The following PRKG1 variants were observed in gnomAD, a reference collection of about 807,000 sequenced individuals.
PRKG1 encodes the protein protein kinase cGMP-dependent 1.
In PRKG1, 35 loss-of-function variants were observed where a neutral mutation model predicts 88.1. That is an observed-to-expected ratio of 0.40 (90% confidence interval 0.30 to 0.53). The LOEUF is 0.53. PRKG1 is among the 20% of genes least tolerant of loss of function. The probability of loss-of-function intolerance (pLI) is 0.59; values close to 1 mark genes in which losing one functional copy is unlikely to be tolerated. For missense variants in PRKG1, 540 were observed against 839.8 expected (o/e 0.64, Z 4.41); for synonymous variants, 303 against 292.5 (o/e 1.04, Z -0.37).
At chr10:52,154,228 G>C (rs555102300) in intron 8 of PRKG1, among the ~76,000 whole-genome samples, 1 of 152,114 alleles carries the variant, frequency 6.6e-6, no homozygotes. Flanking sequence ...TCTTAAAATA[G>C]CACACATTTA....
At chr10:52,291,982 T>A (rs971703654) in intron 17 of PRKG1, among the ~76,000 whole-genome samples, 1 of 152,230 alleles carries the variant, frequency 6.6e-6, no homozygotes, top group Non-Finnish European at 1.5e-5. Flanking sequence ...GTTGTGTTGA[T>A]TTGCATTTCT....
intron 3 of PRKG1, among the ~76,000 whole-genome samples, chr10:51,510,863 C>T (rs1185977935): frequency 6.6e-6 from 1 of 151,076 alleles, no homozygotes; most frequent in Non-Finnish European, 1.5e-5. Flanking sequence ...CCTGCCTCAG[C>T]CTCCCAAGTA....
chr10:51,897,327 C>T (rs1386947462), intron 4 of PRKG1, among the ~76,000 whole-genome samples: 1 of 152,036 alleles, frequency 6.6e-6, no homozygotes, highest in Non-Finnish European at 1.5e-5. Flanking sequence ...ATGTTGGTGG[C>T]ACTAATTTGA....
At chr10:51,400,384 A>C (rs371863674) in intron 2 of PRKG1, among the ~76,000 whole-genome samples, 2 of 152,212 alleles carry the variant, frequency 1.3e-5, no homozygotes, top group Non-Finnish European at 2.9e-5. Context: ...TAACTTTTAC[A>C]TTGAGACCTA....
chr10:51,918,572 T>G lies in PRKG1; in HGVS notation c.762+11002T>G, dbSNP rs995427179. Among the ~76,000 whole-genome samples the G allele has an allele frequency of 2.0e-5, 3 of 152,182 alleles. No individual in the cohort carries two copies. In the East Asian group the frequency reaches 5.8e-4, roughly 29 times the overall value. The stretch of plus-strand genomic sequence containing the variant: ...AAATCAGCTTTCTAGAAAACATTCA[T>G]GGAAAGTGTTCGAAATGGTTGCTCT... On this transcript the variant is annotated intron_variant, in intron 5 of 17. Coordinates refer to ENST00000373980, the MANE Select transcript of PRKG1 (RefSeq NM_006258.4).
At chr10:51,856,981 A>AG (rs1388219394) in intron 4 of PRKG1, among the ~76,000 whole-genome samples, 1 of 151,714 alleles carries the variant, frequency 6.6e-6, no homozygotes, top group African/African-American at 2.4e-5. Context: ...AAAAGAAAAA[A>AG]AAAAAAAGAA....
chr10:51,047,016 A>G (rs921389328), intron 1 of PRKG1, among the ~76,000 whole-genome samples: 7 of 152,328 alleles, frequency 4.6e-5, no homozygotes, highest in East Asian at 1.9e-4. Context: ...TGGAATAACA[A>G]CGTAATATTC....
At chr10:51,704,603 A>C (rs1841560054) in intron 3 of PRKG1, among the ~76,000 whole-genome samples, 1 of 152,218 alleles carries the variant, frequency 6.6e-6, no homozygotes, top group African/African-American at 2.4e-5. Flanking sequence ...TTTCTGATGG[A>C]AATGAGATTT....
intron 3 of PRKG1, among the ~76,000 whole-genome samples, chr10:51,802,814 T>G (rs1839208944): frequency 6.6e-6 from 1 of 152,176 alleles, no homozygotes; most frequent in South Asian, 2.1e-4. Flanking sequence ...ATGCCTGGGC[T>G]TGAGGTGCGA....
intron 2 of PRKG1, among the ~76,000 whole-genome samples, chr10:51,458,198 C>T (rs937362059): frequency 1.3e-5 from 2 of 152,140 alleles, no homozygotes; most frequent in Non-Finnish European, 2.9e-5. Flanking sequence ...TAACAATTCT[C>T]ATGGTAGGAA....
chr10:51,501,024 A>T (rs1307212338), intron 3 of PRKG1, among the ~76,000 whole-genome samples: 1 of 152,166 alleles, frequency 6.6e-6, no homozygotes, highest in Non-Finnish European at 1.5e-5. Flanking sequence ...GTTCAAAAGT[A>T]ATTGCACCAA....
At chr10:51,240,716 G>T (rs1363877850) in intron 2 of PRKG1, among the ~76,000 whole-genome samples, 1 of 152,078 alleles carries the variant, frequency 6.6e-6, no homozygotes. Flanking sequence ...CACCAAGAGG[G>T]GCCTCCTCTG....
intron 1 of PRKG1, among the ~76,000 whole-genome samples, chr10:50,997,223 A>G (rs971374037): frequency 6.6e-6 from 1 of 152,176 alleles, no homozygotes; most frequent in African/African-American, 2.4e-5. Context: ...GAGGTCTTCA[A>G]CTTATCTGTT....
intron 3 of PRKG1, among the ~76,000 whole-genome samples, chr10:51,630,533 G>C (rs990791507): frequency 6.6e-6 from 1 of 152,134 alleles, no homozygotes; most frequent in African/African-American, 2.4e-5. Flanking sequence ...CTGTGCTGTT[G>C]GTTGGCAACA....
At chr10:52,040,186 A>G (rs1472110387) in intron 5 of PRKG1, among the ~76,000 whole-genome samples, 1 of 152,210 alleles carries the variant, frequency 6.6e-6, no homozygotes, top group East Asian at 1.9e-4. Flanking sequence ...TTCTACATAC[A>G]TTTGACCTGC....
At chr10:52,130,179 C>T (rs1837217272) in intron 7 of PRKG1, among the ~76,000 whole-genome samples, 1 of 152,092 alleles carries the variant, frequency 6.6e-6, no homozygotes, top group Non-Finnish European at 1.5e-5. Context: ...TGTGATGCTT[C>T]TTTCCAGTTT....
At chr10:51,083,468 C>T (rs1401472932) in intron 1 of PRKG1, among the ~76,000 whole-genome samples, 1 of 150,920 alleles carries the variant, frequency 6.6e-6, no homozygotes, top group Admixed American at 6.6e-5. Flanking sequence ...CAGTCCTGGG[C>T]TTGTAGCGTC....
intron 2 of PRKG1, among the ~76,000 whole-genome samples, chr10:51,434,086 C>A (rs549716479): frequency 1.1e-4 from 17 of 152,144 alleles, no homozygotes; most frequent in Non-Finnish European, 2.4e-4. Flanking sequence ...TGCATTGCAA[C>A]TGTCATTCAG....
At chr10:51,445,316 G>A (rs1838409) in intron 2 of PRKG1, among the ~76,000 whole-genome samples, 5,053 of 151,762 alleles carry the variant, frequency 0.033, 115 homozygotes, top group Admixed American at 0.058. Context: ...AAGCTTTATC[G>A]TAATCATCAC....
Sources: gnomAD v4.1 joint callset for allele counts (sites outside exome capture counted in the v4.1 genomes callset) on GRCh38, gnomAD v4.1.1 for gene constraint, MANE v1.5 for transcripts, NCBI Gene and HGNC (gene_info 2026-07-23, HGNC 2026-07-21) for gene names.